GREM2: variants seen among roughly 807,000 people sequenced by gnomAD.
The protein encoded by GREM2 is gremlin-2.
In GREM2, 11 loss-of-function variants were observed where a neutral mutation model predicts 14.2. That is an observed-to-expected ratio of 0.78 (90% CI 0.49 to 1.28). GREM2 has a LOEUF of 1.28. Among genes scored for constraint, GREM2 ranks in the 50% most tolerant of loss-of-function variants. The pLI, the probability that GREM2 is intolerant of heterozygous loss-of-function variation, is 0.00. For synonymous variants in GREM2, 98 were observed against 97.6 expected, an observed-to-expected ratio of 1.00 and a Z score of -0.02; for missense variants, 210 against 218.5, an observed-to-expected ratio of 0.96 and a Z score of 0.24.
intron 1 of GREM2, among the ~76,000 whole-genome samples, chr1:240,589,359 C>T (rs371272351): frequency 1.5e-4 from 22 of 150,762 alleles, no homozygotes; most frequent in Non-Finnish European, 2.8e-4. Context: ...CGCTTGAACC[C>T]GGGAGGCAGA....
intron 1 of GREM2, among the ~76,000 whole-genome samples, chr1:240,515,834 T>C (rs950326490): frequency 3.9e-5 from 6 of 152,196 alleles, no homozygotes; most frequent in Admixed American, 2.0e-4. Flanking sequence ...GCATTGGTCC[T>C]GGAAGTATTT....
At chr1:240,590,293 C>A (rs550341117) in intron 1 of GREM2, among the ~76,000 whole-genome samples, 1 of 152,272 alleles carries the variant, frequency 6.6e-6, no homozygotes, top group South Asian at 2.1e-4. Flanking sequence ...CGATAGCTTG[C>A]CAGTTTTTGC....
At chr1:240,535,110 T>C (rs960229780) in intron 1 of GREM2, among the ~76,000 whole-genome samples, 9 of 152,162 alleles carry the variant, frequency 5.9e-5, no homozygotes, top group African/African-American at 2.2e-4. Context: ...GAGCTATTAG[T>C]TAAATATAAT....
chr1:240,491,501 G>C lies in GREM2; in HGVS notation c.*1468C>G, dbSNP rs965770576. 1 of 152,500 alleles carries C rather than the reference G, an allele frequency of 6.6e-6. No individual in the cohort carries two copies. Among genetic ancestry groups the C allele is most frequent in the African/African-American group, 2.4e-5 (1 of 41,428 alleles). The allele number at this position is 152,500 out of a possible 1,614,324, so 9.4% of individuals were successfully genotyped here. ...TGGAAAATAAGTTACGTCTACTTCCGTATATCAAGAGACCACAGCATGGAA... is the reference window on the plus strand; with the variant it reads ...TGGAAAATAAGTTACGTCTACTTCCCTATATCAAGAGACCACAGCATGGAA... On this transcript the variant is annotated 3_prime_UTR_variant, in exon 2 of 2. Transcript: ENST00000318160.
At chr1:240,523,220 G>A (rs1678142525) in intron 1 of GREM2, among the ~76,000 whole-genome samples, 1 of 152,140 alleles carries the variant, frequency 6.6e-6, no homozygotes, top group Non-Finnish European at 1.5e-5. Flanking sequence ...AGCCTCCCGA[G>A]TAGCTGGGAT....
At chr1:240,510,114 A>C (rs566491595) in intron 1 of GREM2, among the ~76,000 whole-genome samples, 6 of 152,270 alleles carry the variant, frequency 3.9e-5, no homozygotes, top group South Asian at 2.1e-4. Flanking sequence ...TCACGCCTGT[A>C]ATCCCAGCAC....
chr1:240,604,395 A>T (rs1558180942), intron 1 of GREM2, among the ~76,000 whole-genome samples: 2 of 151,938 alleles, frequency 1.3e-5, no homozygotes, highest in Non-Finnish European at 2.9e-5. Flanking sequence ...AAATAATGAG[A>T]TCTAAAAGCA....
intron 1 of GREM2, among the ~76,000 whole-genome samples, chr1:240,561,880 T>C (rs1261651677): frequency 6.6e-6 from 1 of 152,302 alleles, no homozygotes; most frequent in Admixed American, 6.5e-5. Flanking sequence ...AATAAGAAGC[T>C]TTTCCAAAAT....
intron 1 of GREM2, among the ~76,000 whole-genome samples, chr1:240,570,693 C>T (rs1679243345): frequency 6.6e-6 from 1 of 152,160 alleles, no homozygotes; most frequent in Non-Finnish European, 1.5e-5. Context: ...TTGGTACAGA[C>T]AATCCTGTTT....
chr1:240,527,363 C>A (rs1341419214), intron 1 of GREM2, among the ~76,000 whole-genome samples: 2 of 152,110 alleles, frequency 1.3e-5, no homozygotes, highest in African/African-American at 2.4e-5. Flanking sequence ...ATAATTAGGG[C>A]AATTTTCTAT....
intron 1 of GREM2, 48 bp from the exon 2 acceptor site, chr1:240,493,524 C>T (rs10926280): frequency 5.4e-6 from 8 of 1,493,732 alleles, no homozygotes; most frequent in South Asian, 1.4e-5. Flanking sequence ...CCGTAGAGTA[C>T]GGGATCAATC....
intron 1 of GREM2, among the ~76,000 whole-genome samples, chr1:240,511,932 TAA>T (rs1677843374): frequency 6.6e-6 from 1 of 152,064 alleles, no homozygotes; most frequent in Non-Finnish European, 1.5e-5. Flanking sequence ...CCAATAAGAA[TAA>T]GTGTGGAAAC....
At chr1:240,544,518 G>A (rs1384954060) in intron 1 of GREM2, among the ~76,000 whole-genome samples, 5 of 152,120 alleles carry the variant, frequency 3.3e-5, no homozygotes, top group African/African-American at 1.2e-4. Flanking sequence ...TGAGGTCCTG[G>A]AACCAACCCC....
chr1:240,591,816 T>C (rs1679721516), intron 1 of GREM2, among the ~76,000 whole-genome samples: 1 of 152,210 alleles, frequency 6.6e-6, no homozygotes, highest in African/African-American at 2.4e-5. Flanking sequence ...GTAGGCCCAG[T>C]ACCTTCCCTG....
chr1:240,582,328 G>A (rs953396002), intron 1 of GREM2, among the ~76,000 whole-genome samples: 1 of 152,102 alleles, frequency 6.6e-6, no homozygotes, highest in East Asian at 1.9e-4. Context: ...CCAACTATTC[G>A]GGAGGCTGAG....
At chr1:240,530,894 G>T (rs568790897) in intron 1 of GREM2, 1 of 108,672 alleles carries the variant, frequency 9.2e-6, no homozygotes, top group South Asian at 3.0e-4. Context: ...AGTAAAAAAC[G>T]AAGGAAATGA....
chr1:240,559,491 C>T (rs2103348313), intron 1 of GREM2, among the ~76,000 whole-genome samples: 1 of 151,910 alleles, frequency 6.6e-6, no homozygotes, highest in East Asian at 1.9e-4. Context: ...TTACAAGCAC[C>T]CGCCATCAGG....
At position 240,559,313 on chromosome 1, in the gene GREM2, G is replaced by A. The variant is rs182971298; in HGVS notation, c.-2+52571C>T. The stretch of plus-strand genomic sequence containing the variant: ...CATACTTTTTAAAAATCGGTCATTA[G>A]TATCACCGCCAATCTCATCAAAAAG... On this transcript the variant is annotated intron_variant, in intron 1 of 1. Transcript: ENST00000318160. 3.3e-3 allele frequency among the ~76,000 whole-genome samples: 471 copies of A among 144,324 alleles called. 4 individuals carry two copies. Among genetic ancestry groups the A allele is most frequent in the African/African-American group, 0.011 (449 of 39,212 alleles). The allele number at this position is 144,324 out of a possible 152,430, so 94.7% of individuals were successfully genotyped here.
intron 1 of GREM2, among the ~76,000 whole-genome samples, chr1:240,501,512 A>G (rs2103277881): frequency 6.6e-6 from 1 of 152,342 alleles, no homozygotes; most frequent in Admixed American, 6.5e-5. Flanking sequence ...TCAACGTTCT[A>G]AATCTTTGAA....
Sources: allele counts gnomAD v4.1 joint callset (sites outside exome capture counted in the v4.1 genomes callset), GRCh38; gene constraint gnomAD v4.1.1; transcripts MANE v1.5; gene names NCBI Gene and HGNC (gene_info 2026-07-23, HGNC 2026-07-21).